CEP131: variants seen among roughly 807,000 people sequenced by gnomAD.
CEP131 encodes the protein centrosomal protein 131, also known as centrosomal protein of 131 kDa.
Under a neutral mutation model 136.8 loss-of-function variants are expected in CEP131, and 99 were observed. The observed-to-expected ratio is 0.72, with a 90% CI of 0.62 to 0.86. CEP131 has a LOEUF of 0.86. Among genes scored for constraint, CEP131 ranks in the 40% least tolerant of loss-of-function variants. CEP131 has a pLI of 0.00. For synonymous variants in CEP131, 646 were observed against 612.7 expected, an observed-to-expected ratio of 1.05 and a Z score of -0.80; for missense variants, 1,459 against 1,463.0, an observed-to-expected ratio of 1.00 and a Z score of 0.04.
chr17:81,192,685 G>GGGGGGGGGGGGCGGCCC, intron 19 of CEP131, 51 bp downstream of exon 19: 2 of 478,430 alleles, frequency 4.2e-6, no homozygotes, highest in Non-Finnish European at 8.1e-6. Context: ...GGGGGGAGGG[G>GGGGGGGGGGGGCGGCCC]TCAGCCAGCG....
chr17:81,189,674 TG>T lies in CEP131; in HGVS notation c.*94del. On this transcript the variant is annotated 3_prime_UTR_variant, in exon 26 of 26. Transcript: ENST00000450824. The stretch of plus-strand genomic sequence containing the variant: ...TGGGCATCTCAACCACCAGCCTCTG[TG>T]GGGGGCAGGTGGGCGTCCCTGTGGG... 1 of 1,300,618 alleles carries T rather than the reference TG, an allele frequency of 7.7e-7. No individual in the cohort carries two copies. Among genetic ancestry groups the T allele is most frequent in the Non-Finnish European group, 1.1e-6 (1 of 951,574 alleles). The allele number at this position is 1,300,618 out of a possible 1,614,324, so 80.6% of individuals were successfully genotyped here.
chr17:81,200,361 G>A lies in CEP131; in HGVS notation c.874C>T (p.Arg292Cys), dbSNP rs536731502. The change falls in exon 8 of 26, where the codon CGC becomes TGC. Residue 292 changes from arginine to cysteine, a missense_variant. Arg to Cys is a radical substitution (Grantham distance 180, BLOSUM62 -3). Transcript: ENST00000450824. ...QVQRRGAGAA[R>C]LEHLLQAKRE... Reference sequence around the variant, plus strand: ...TTGGCCTGAAGCAAGTGCTCCAGGCGGGCAGCTCCTGCTCCGCGCCGCTGC... The same window carrying A: ...TTGGCCTGAAGCAAGTGCTCCAGGCAGGCAGCTCCTGCTCCGCGCCGCTGC... 5.4e-5 allele frequency: 86 copies of A among 1,590,060 alleles called. No individual in the cohort carries two copies. In the South Asian group the frequency reaches 8.4e-4, roughly 16 times the overall value.
Position 81,194,985 on chromosome 17 carries a change from C to T in CEP131, c.2017-13G>A, listed in dbSNP as rs759252320. On this transcript the variant is annotated splice_polypyrimidine_tract_variant and intron_variant, in intron 16 of 25. Transcript: ENST00000450824. ...GTTTTTTAATCTCCTACGAGCAGAA[C>T]AGGGCAGGAGGAAACGACACGAAGG... 4.4e-6 allele frequency: 7 copies of T among 1,603,736 alleles called. No homozygotes were observed. Among genetic ancestry groups the T allele is most frequent in the African/African-American group, 1.3e-5 (1 of 74,736 alleles).
rs745796419 is a variant in CEP131 at position 81,195,930 on chromosome 17, G to C, written c.1921C>G (p.Leu641Val). Residue 641 changes from leucine to valine, a missense_variant, in exon 16 of 26, where the codon CTG becomes GTG. Physicochemically the swap from Leu to Val is conservative, Grantham distance 32. Transcript: ENST00000450824. ...IDQLIEDKKV[L>V]SEKCEAVVAE... The stretch of plus-strand genomic sequence containing the variant: ...ACCACAGCCTCGCACTTTTCACTCA[G>C]GACCTTCTTGTCCTCAATCAGCTGT... 1.2e-6 allele frequency: 2 copies of C among 1,609,868 alleles called. No homozygotes were observed. The highest frequency in any genetic ancestry group is 2.2e-5 in the South Asian group (2 of 91,072).
At chr17:81,197,171 G>A in intron 13 of CEP131, 116 bp from the exon 14 acceptor site, 1 of 1,408,280 alleles carries the variant, frequency 7.1e-7, no homozygotes, top group South Asian at 1.5e-5. Context: ...CTGCACACGG[G>A]AGCCCGTGGG....
rs890669034 is a variant in CEP131 at position 81,220,993 on chromosome 17, C to T, written c.-17-920G>A. On this transcript the variant is annotated intron_variant, in intron 1 of 25. Coordinates refer to ENST00000450824, the MANE Select transcript of CEP131 (RefSeq NM_014984.4). ...TCAAAAAATTAGCCGGGCGTGGTGG[C>T]GAGCGCCTGTAATCCCAACTACTTG... is the stretch of plus-strand genomic sequence containing the variant. Among the ~76,000 whole-genome samples, 39 of 151,808 alleles carry T rather than the reference C, an allele frequency of 2.6e-4. 1 individual carries two copies. The highest frequency in any genetic ancestry group is 3.3e-4 in the Admixed American group (5 of 15,258).
At chr17:81,209,061 G>C (rs764092687) in intron 2 of CEP131, 39 bp from the exon 3 acceptor site, 4 of 1,452,480 alleles carry the variant, frequency 2.8e-6, no homozygotes, top group African/African-American at 2.8e-5. Flanking sequence ...TGCAGCAAAG[G>C]CTCACTCACC....
intron 17 of CEP131, 39 bp downstream of exon 17, chr17:81,194,831 A>AC (rs1341311640): frequency 1.9e-6 from 3 of 1,541,636 alleles, no homozygotes; most frequent in Non-Finnish European, 2.7e-6. Context: ...CGCAGCACCC[A>AC]CCCCACACCT....
rs1442346085 is a variant in CEP131 at position 81,217,092 on chromosome 17, A to T, written c.177+2788T>A. On this transcript the variant is annotated intron_variant, in intron 2 of 25. Transcript: ENST00000450824. ...ATATGCACAGTGATGTCTGTTCCCC[A>T]GTGAGCTTGTGCTCTTGGGATTTAA... Among the ~76,000 whole-genome samples the T allele has an allele frequency of 2.0e-5, 3 of 152,200 alleles. No homozygotes were observed. The South Asian group carries it at 6.2e-4, about 32-fold the overall frequency.
chr17:81,199,362 G>A lies in CEP131; in HGVS notation c.1192+19C>T. 10 of 1,587,088 alleles carry A rather than the reference G, an allele frequency of 6.3e-6. No homozygotes were observed. Among genetic ancestry groups the A allele is most frequent in the Non-Finnish European group, 8.5e-6 (10 of 1,170,716 alleles). ...GCAGTCCACCCCCCAGAGCAGGGCG[G>A]GCGTGGAGCCACTCTCACCAGTATT... On this transcript the variant is annotated intron_variant, in intron 10 of 25. Transcript: ENST00000450824.
Position 81,198,225 on chromosome 17 carries a change from T to A in CEP131, c.1360A>T (p.Arg454Trp), listed in dbSNP as rs891746562. The A allele has an allele frequency of 2.5e-6, 4 of 1,600,824 alleles. No homozygotes were observed. The highest frequency in any genetic ancestry group is 3.4e-6 in the Non-Finnish European group (4 of 1,173,914). ...MAPSRGSAKS[R>W]GPLEELLHTL... ...TGCAGCAGCTCCTCCAGTGGCCCCC[T>A]GGACTTGGCGCTCCCCCTGCTCGGG... Residue 454 changes from arginine to tryptophan, a missense_variant, in exon 12 of 26, where the codon AGG becomes TGG. Transcript: ENST00000450824.
rs150667278 is a variant in CEP131 at position 81,208,970 on chromosome 17, T to C, written c.230A>G (p.Asn77Ser). ...SQAINNLRRS[N>S]STTQVSQPRS... ...AGGCTGGCTGACCTGCGTGGTGCTGTTGGATCTTCTAAGGTTGTTGATGGC... is the reference window on the plus strand; with the variant it reads ...AGGCTGGCTGACCTGCGTGGTGCTGCTGGATCTTCTAAGGTTGTTGATGGC... The change falls in exon 3 of 26, where the codon AAC becomes AGC. Residue 77 changes from asparagine (N) to serine (S), a missense_variant. Coordinates refer to ENST00000450824, the MANE Select transcript of CEP131 (RefSeq NM_014984.4). The surrounding 1 kb of genome is among the most constrained non-coding windows in gnomAD (Gnocchi z 5.6). 279 of 1,613,976 alleles carry C rather than the reference T, an allele frequency of 1.7e-4. No individual in the cohort carries two copies. The highest frequency in any genetic ancestry group is 1.3e-4 in the African/African-American group (10 of 75,032).
At chr17:81,210,829 C>CAAAAAAAAA (rs11379490) in intron 2 of CEP131, among the ~76,000 whole-genome samples, 1 of 136,168 alleles carries the variant, frequency 7.3e-6, no homozygotes, top group Non-Finnish European at 1.6e-5. Flanking sequence ...AAAAAAAGAC[C>CAAAAAAAAA]AAAAAAAAAA....
In CEP131 at chr17:81,192,810, C is replaced by T. The variant is rs756635270; in HGVS notation, c.2355G>A (p.Ala785=). Residue 785 remains alanine, a synonymous_variant, in exon 19 of 26, where the codon GCG becomes GCA. Coordinates refer to ENST00000450824, the MANE Select transcript of CEP131 (RefSeq NM_014984.4). ...FQQHLEQEQW[A]LQQQRQRLYS... is the part of the protein sequence containing the mutation. ...ACAGCCGCTGCCGTTGCTGCTGCAG[C>T]GCCCACTGCTCCTGCTCCAGGTGCT... The T allele has an allele frequency of 3.8e-6, 6 of 1,598,752 alleles. No homozygotes were observed. The Admixed American group carries it at 6.7e-5, about 18-fold the overall frequency.
rs952601864 is a variant in CEP131 at position 81,201,856 on chromosome 17, C to T, written c.788+384G>A. Among the ~76,000 whole-genome samples, 11 of 152,298 alleles carry T rather than the reference C, an allele frequency of 7.2e-5. No homozygotes were observed. The East Asian group carries it at 2.1e-3, about 29-fold the overall frequency. On this transcript the variant is annotated intron_variant, in intron 7 of 25. Transcript: ENST00000450824. ...GTGGCTCACGCCTGTAATCCCAGCA[C>T]TTTGGGAGGCGGAGGCGGGCGGATC... is the stretch of plus-strand genomic sequence containing the variant.
At position 81,191,025 on chromosome 17, in the gene CEP131, C is replaced by A. The variant is rs111464253; in HGVS notation, c.2825G>T (p.Arg942Leu). ...CTCCGAGCACCGCTCCTGAAGCTTC[C>A]GCTCCGACTGCTCCAGCTCGGAGAG... Reference protein sequence around the residue: ...AELSELEQSERKLQERCSELK... With the variant: ...AELSELEQSELKLQERCSELK... The change falls in exon 23 of 26, where the codon CGG (arginine) becomes CTG (leucine). Residue 942 changes from arginine (R) to leucine (L), a missense_variant. This residue lies in a region of CEP131 where 1,026 missense variants were observed against 964.2 expected (regional missense o/e 1.06). Transcript: ENST00000450824. The A allele has an allele frequency of 1.9e-6, 3 of 1,610,566 alleles. No homozygotes were observed. The highest frequency in any genetic ancestry group is 2.2e-5 in the South Asian group (2 of 91,084).
At chr17:81,221,266 G>A (rs1444200801) in intron 1 of CEP131, among the ~76,000 whole-genome samples, 8 of 151,978 alleles carry the variant, frequency 5.3e-5, no homozygotes, top group Admixed American at 3.9e-4. Flanking sequence ...TCTGACGATC[G>A]ATCGAGGGGA....
Position 81,208,214 on chromosome 17 carries a change from G to A in CEP131, c.272+714C>T, listed in dbSNP as rs550405746. Among the ~76,000 whole-genome samples, 2 of 151,834 alleles carry A rather than the reference G, an allele frequency of 1.3e-5. No individual in the cohort carries two copies. The highest frequency in any genetic ancestry group is 2.4e-5 in the African/African-American group (1 of 41,376). On this transcript the variant is annotated intron_variant, in intron 3 of 25. Coordinates refer to ENST00000450824, the MANE Select transcript of CEP131 (RefSeq NM_014984.4). This position sits in a 1 kb window ranked among gnomAD's most constrained non-coding sequence, Gnocchi z 5.6. ...AGTTGCTGAGCTAAGAGCGGCTCCC[G>A]GAGGCTGCACTGGATAGGGTGTGGT...
chr17:81,209,165 A>T (rs1211136384), intron 2 of CEP131, 143 bp from the exon 3 acceptor site: 2 of 647,642 alleles, frequency 3.1e-6, no homozygotes, highest in African/African-American at 3.6e-5. Flanking sequence ...CCTCAAAGGC[A>T]GTGGGTGGTC....
Sources: gnomAD v4.1 joint callset for allele counts (sites outside exome capture counted in the v4.1 genomes callset) on GRCh38, gnomAD v4.1.1 for gene constraint, gnomAD v4.1.1 regional missense constraint, Gnocchi (gnomAD v3.1) non-coding constraint, MANE v1.5 for transcripts, NCBI Gene and HGNC (gene_info 2026-07-23, HGNC 2026-07-21) for gene names.